The following IL4 variants were observed in gnomAD, a reference collection of about 807,000 sequenced individuals.
IL4 encodes the protein interleukin-4.
In IL4, 10 loss-of-function variants were observed where a neutral mutation model predicts 17.4. That is an observed-to-expected ratio of 0.57 (90% confidence interval 0.35 to 0.97). The LOEUF is 0.97. IL4 is among the 50% of genes least tolerant of loss of function. The pLI is 0.01. For synonymous variants in IL4, 87 were observed against 79.0 expected (o/e 1.10, Z -0.54); for missense variants, 174 against 187.7 (o/e 0.93, Z 0.43).
At chr5:132,677,800 C>T (rs922263936) in intron 2 of IL4, 5 of 152,246 alleles carry the variant, frequency 3.3e-5, no homozygotes, top group African/African-American at 1.2e-4. Flanking sequence ...TGTCTGCCCA[C>T]CTCCAGACAC....
intron 2 of IL4, among the ~76,000 whole-genome samples, chr5:132,675,623 A>T (rs1752361748): frequency 6.6e-6 from 1 of 150,916 alleles, no homozygotes; most frequent in Admixed American, 6.6e-5. Context: ...ATTTCAGCTC[A>T]TAGCAGCCTC....
chr5:132,678,382 A>G (rs1752422614), intron 2 of IL4, among the ~76,000 whole-genome samples: 1 of 152,256 alleles, frequency 6.6e-6, no homozygotes, highest in Admixed American at 6.5e-5. Flanking sequence ...AGTATTTTTA[A>G]AAGTGTGACG....
intron 3 of IL4, among the ~76,000 whole-genome samples, chr5:132,681,298 C>A: frequency 6.6e-6 from 1 of 152,036 alleles, no homozygotes; most frequent in South Asian, 2.1e-4. Flanking sequence ...CCCCAGGAAG[C>A]CGTTGAGGAC....
At position 132,674,115 on chromosome 5, in the gene IL4, T is replaced by C; in HGVS notation, c.65T>C (p.Val22Ala). 4 of 1,614,194 alleles carry C rather than the reference T, an allele frequency of 2.5e-6. No homozygotes were observed. The highest frequency in any genetic ancestry group is 3.4e-6 in the Non-Finnish European group (4 of 1,180,012). The change falls in exon 1 of 4, where the codon GTC becomes GCC. Residue 22 changes from valine (V) to alanine (A), a missense_variant. Transcript: ENST00000231449. The stretch of plus-strand genomic sequence containing the variant: ...CTGCTAGCATGTGCCGGCAACTTTG[T>C]CCACGGACACAAGTGCGATATCACC... ...FFLLACAGNF[V>A]HGHKCDITLQ...
At chr5:132,681,706 T>A (rs1463447809) in intron 3 of IL4, among the ~76,000 whole-genome samples, 1 of 152,088 alleles carries the variant, frequency 6.6e-6, no homozygotes, top group Non-Finnish European at 1.5e-5. Flanking sequence ...CAGAAGTCCT[T>A]GTAGCCCAGA....
In IL4 at chr5:132,674,138, A is replaced by T. The variant is rs752174417; in HGVS notation, c.88A>T (p.Thr30Ser). The change falls in exon 1 of 4, where the codon ACC becomes TCC. Residue 30 changes from threonine (T) to serine (S), a missense_variant. Transcript: ENST00000231449. ...NFVHGHKCDI[T>S]LQEIIKTLNS... ...TGTCCACGGACACAAGTGCGATATC[A>T]CCTTACAGGAGATCATCAAAACTTT... 2 of 1,613,722 alleles carry T rather than the reference A, an allele frequency of 1.2e-6. No individual in the cohort carries two copies. The highest frequency in any genetic ancestry group is 1.3e-5 in the African/African-American group (1 of 74,868).
chr5:132,676,268 T>C (rs1321547768), intron 2 of IL4, among the ~76,000 whole-genome samples: 3 of 152,208 alleles, frequency 2.0e-5, no homozygotes, highest in African/African-American at 7.2e-5. Context: ...TGAAGGTGAT[T>C]GCAAGGTTGA....
In IL4 at chr5:132,682,549, A is replaced by T; in HGVS notation, c.424A>T (p.Thr142Ser). ...TLENFLERLK[T>S]IMREKYSKCS... is the part of the protein sequence containing the mutation. The stretch of plus-strand genomic sequence containing the variant: ...GGAAAACTTCTTGGAAAGGCTAAAG[A>T]CGATCATGAGAGAGAAATATTCAAA... The change falls in exon 4 of 4, where the codon ACG becomes TCG. Residue 142 changes from threonine (T) to serine (S), a missense_variant. By Grantham distance (58) the Thr-to-Ser change is moderately conservative. Coordinates refer to ENST00000231449, the MANE Select transcript of IL4 (RefSeq NM_000589.4). 6.2e-7 allele frequency: 1 copy of T among 1,610,912 alleles called. No individual in the cohort carries two copies. Among genetic ancestry groups the T allele is most frequent in the Non-Finnish European group, 8.5e-7 (1 of 1,177,226 alleles).
intron 2 of IL4, among the ~76,000 whole-genome samples, chr5:132,679,496 G>A (rs1282728222): frequency 6.6e-6 from 1 of 152,188 alleles, no homozygotes; most frequent in Non-Finnish European, 1.5e-5. Flanking sequence ...AGGTTCTGGG[G>A]AGAAGGCTGC....
At position 132,675,875 on chromosome 5, in the gene IL4, GTGTATA is replaced by G. The variant is rs1272737408; in HGVS notation, c.183+1371_183+1376del. ...TGTGTGTGTGTGTGTGTGTGTGTGT[GTGTATA>G]TATGTGTGTGTGTATATATATGTGT... On this transcript the variant is annotated intron_variant, in intron 2 of 3. Coordinates refer to ENST00000231449, the MANE Select transcript of IL4 (RefSeq NM_000589.4). 6.6e-5 allele frequency among the ~76,000 whole-genome samples: 8 copies of G among 121,418 alleles called. No homozygotes were observed. In the East Asian group the frequency reaches 1.7e-3, roughly 26 times the overall value. 79.7% of individuals were successfully genotyped at this position (121,418 alleles called of 152,430 possible).
At chr5:132,675,518 G>A (rs1019069288) in intron 2 of IL4, among the ~76,000 whole-genome samples, 2 of 151,526 alleles carry the variant, frequency 1.3e-5, no homozygotes. Context: ...CCGGGAGTCC[G>A]ATACAGGATG....
intron 2 of IL4, chr5:132,677,758 G>C (rs1328526078): frequency 6.6e-6 from 1 of 152,072 alleles, no homozygotes; most frequent in African/African-American, 2.4e-5. Flanking sequence ...TGGTTTTCTT[G>C]AATCTCACTG....
intron 2 of IL4, among the ~76,000 whole-genome samples, chr5:132,675,849 A>ATGTGGGTGTG (rs1752366751): frequency 6.9e-6 from 1 of 144,924 alleles, no homozygotes; most frequent in African/African-American, 2.6e-5. Flanking sequence ...GCAACAGTTT[A>ATGTGGGTGTG]TGTGTGTGTG....
At chr5:132,678,645 C>T (rs1752428207) in intron 2 of IL4, among the ~76,000 whole-genome samples, 2 of 152,184 alleles carry the variant, frequency 1.3e-5, no homozygotes. Flanking sequence ...TTCTAAGAAG[C>T]TCCCAGTGAT....
At chr5:132,682,465 A>G in intron 3 of IL4, 21 bp from the exon 4 acceptor site, 2 of 1,411,776 alleles carry the variant, frequency 1.4e-6, no homozygotes, top group African/African-American at 2.8e-5. Flanking sequence ...AATGCAAGCT[A>G]ATGAAATGTT....
intron 2 of IL4, 51 bp from the exon 3 acceptor site, chr5:132,679,663 A>G: frequency 6.7e-7 from 1 of 1,493,610 alleles, no homozygotes; most frequent in Non-Finnish European, 9.1e-7. Flanking sequence ...TCTCTCTCCC[A>G]TCCTCCAAAT....
intron 2 of IL4, among the ~76,000 whole-genome samples, chr5:132,675,881 A>G (rs199693275): frequency 0.21 from 26,991 of 130,644 alleles, 3,114 homozygotes; most frequent in East Asian, 0.59. Flanking sequence ...GTGTGTGTAT[A>G]TATGTGTGTG....
At chr5:132,675,801 C>T (rs1012933103) in intron 2 of IL4, among the ~76,000 whole-genome samples, 9 of 151,962 alleles carry the variant, frequency 5.9e-5, no homozygotes, top group African/African-American at 1.5e-4. Flanking sequence ...CCGTCCACCT[C>T]GGCCTCTCAA....
At chr5:132,675,329 G>A (rs556965581) in intron 2 of IL4, among the ~76,000 whole-genome samples, 1 of 152,132 alleles carries the variant, frequency 6.6e-6, no homozygotes, top group Non-Finnish European at 1.5e-5. Context: ...ATTTCACAGT[G>A]GTCTCCTAAC....
Sources: allele counts gnomAD v4.1 joint callset (sites outside exome capture counted in the v4.1 genomes callset), GRCh38; gene constraint gnomAD v4.1.1; transcripts MANE v1.5; gene names NCBI Gene and HGNC (gene_info 2026-07-23, HGNC 2026-07-21).